SRSF11: variants seen among roughly 807,000 people sequenced by gnomAD.
SRSF11 encodes serine and arginine rich splicing factor 11, also known as serine/arginine-rich splicing factor 11.
In SRSF11, 9 loss-of-function variants were observed where a neutral mutation model predicts 56.0. The observed-to-expected ratio is 0.16, with a 90% CI of 0.10 to 0.28. The LOEUF (loss-of-function observed/expected upper bound fraction) is 0.28. SRSF11 is among the 10% of genes least tolerant of loss of function. SRSF11 has a pLI of 1.00. For synonymous variants in SRSF11, 222 were observed against 215.3 expected (o/e 1.03, Z -0.27); for missense variants, 421 against 600.7 (o/e 0.70, Z 3.13).
At position 70,228,403 on chromosome 1, in the gene SRSF11, T is replaced by C. The variant is rs1222757696; in HGVS notation, c.204-19T>C. On this transcript the variant is annotated intron_variant, in intron 1 of 11. Transcript: ENST00000370949. Reference sequence around the variant, plus strand: ...ACTGCTATTCTGTTTCTCTTTTATGTTATTTGTTTATTTTTTAGTGATTCG... The same window carrying C: ...ACTGCTATTCTGTTTCTCTTTTATGCTATTTGTTTATTTTTTAGTGATTCG... The C allele has an allele frequency of 6.3e-7, 1 of 1,577,604 alleles. No individual in the cohort carries two copies. The highest frequency in any genetic ancestry group is 1.7e-5 in the Admixed American group (1 of 58,612).
chr1:70,230,962 C>T, intron 2 of SRSF11: 1 of 1,222,088 alleles, frequency 8.2e-7, no homozygotes, highest in South Asian at 1.5e-5. Flanking sequence ...TTGATGACAG[C>T]TCTGACACAA....
chr1:70,231,097 C>G, intron 2 of SRSF11: 1 of 1,289,582 alleles, frequency 7.8e-7, no homozygotes, highest in Non-Finnish European at 1.0e-6. Flanking sequence ...TTTTACAGTT[C>G]TTTTCCCTGG....
At chr1:70,217,145 T>G (rs188948695), upstream of SRSF11, among the ~76,000 whole-genome samples, 4 of 152,198 alleles carry the variant, frequency 2.6e-5, no homozygotes, top group Admixed American at 1.3e-4. Flanking sequence ...TTGTGTTTTT[T>G]TTGTTGTTGT....
intron 2 of SRSF11, chr1:70,229,855 T>C: frequency 1.0e-6 from 1 of 984,398 alleles, no homozygotes; most frequent in South Asian, 4.7e-5. Context: ...CTCCATGATA[T>C]TAAAGTGTAT....
chr1:70,233,652 GTTAAA>G (rs1278373684), intron 3 of SRSF11, among the ~76,000 whole-genome samples: 2 of 152,212 alleles, frequency 1.3e-5, no homozygotes, highest in African/African-American at 4.8e-5. Context: ...CGAATAAACA[GTTAAA>G]TTATAGAAAG....
rs986675362 is a variant in SRSF11 at position 70,234,912 on chromosome 1, A to G, written c.540+124A>G. The G allele has an allele frequency of 1.7e-5, 12 of 710,512 alleles. No homozygotes were observed. The Admixed American group carries it at 2.5e-4, about 15-fold the overall frequency. The allele number at this position is 710,512 out of a possible 1,614,324, so 44.0% of individuals were successfully genotyped here. A position where few individuals can be genotyped will look rare whatever the true frequency, so the allele number is the denominator to read the frequency against. ...TTGTAGTAATTTTTTTTCTTGTTTAAACTTGTCAGAGCTTTAAACAGTCAC... is the reference window on the plus strand; with the variant it reads ...TTGTAGTAATTTTTTTTCTTGTTTAGACTTGTCAGAGCTTTAAACAGTCAC... On this transcript the variant is annotated intron_variant, in intron 4 of 11. Transcript: ENST00000370949.
At position 70,213,901 on chromosome 1, in the gene SRSF11, T is replaced by C. The variant is rs115404582; in HGVS notation, c.-25-7711T>C. Among the ~76,000 whole-genome samples, 461 of 152,274 alleles carry C rather than the reference T, an allele frequency of 3.0e-3. 2 individuals are homozygous for C. The highest frequency in any genetic ancestry group is 9.8e-3 in the African/African-American group (406 of 41,568). ...TCACTCTAGCACCTTTTAAGTGTTA[T>C]GAGGATTGAAGGTCGTTTTAAAAGC... On this transcript the variant is annotated intron_variant, in intron 1 of 12. Coordinates refer to the SRSF11 transcript ENST00000370950.
chr1:70,206,181 A>C lies in SRSF11; in HGVS notation c.-26+401A>C, dbSNP rs568965456. 1.2e-4 allele frequency among the ~76,000 whole-genome samples: 19 copies of C among 152,278 alleles called. No individual in the cohort carries two copies. The East Asian group carries it at 3.3e-3, about 26-fold the overall frequency. On this transcript the variant is annotated intron_variant, in intron 1 of 12. Transcript: ENST00000370950. ...AACAAAAATCCTTAAAATTTAATAA[A>C]TGTTCTGTGTATCAGACAGTTTAGG...
At chr1:70,224,467 G>A (rs1671338598) in intron 1 of SRSF11, among the ~76,000 whole-genome samples, 1 of 152,112 alleles carries the variant, frequency 6.6e-6, no homozygotes, top group Non-Finnish European at 1.5e-5. Context: ...CAGTTGACAG[G>A]TTAAGTTTAA....
intron 1 of SRSF11, 91 bp from the exon 2 acceptor site, chr1:70,228,331 T>G: frequency 1.1e-6 from 1 of 949,998 alleles, no homozygotes. Flanking sequence ...TTTTTTAATC[T>G]GTTTTACTTT....
At chr1:70,220,886 C>T (rs1057370013), upstream of SRSF11, 1 of 152,032 alleles carries the variant, frequency 6.6e-6, no homozygotes, top group Non-Finnish European at 1.5e-5. Context: ...ATGTACAAAA[C>T]GCTTATTAAT....
At chr1:70,226,139 C>T (rs1343683489) in intron 1 of SRSF11, among the ~76,000 whole-genome samples, 4 of 151,068 alleles carry the variant, frequency 2.6e-5, no homozygotes, top group Non-Finnish European at 4.4e-5. Context: ...TGCGGTGAGC[C>T]GAGATCGTGC....
intron 7 of SRSF11, among the ~76,000 whole-genome samples, chr1:70,242,172 A>C (rs1675591837): frequency 6.6e-6 from 1 of 151,904 alleles, no homozygotes; most frequent in African/African-American, 2.4e-5. Context: ...TCTTAAAAAA[A>C]AAAAAAAAAG....
intron 1 of SRSF11, among the ~76,000 whole-genome samples, chr1:70,214,067 A>C (rs2100505243): frequency 6.6e-6 from 1 of 152,358 alleles, no homozygotes; most frequent in East Asian, 1.9e-4. Context: ...GGGGAAAAAA[A>C]CATAAAAGGT....
At chr1:70,227,342 T>G (rs1672006720) in intron 1 of SRSF11, among the ~76,000 whole-genome samples, 1 of 152,160 alleles carries the variant, frequency 6.6e-6, no homozygotes, top group Non-Finnish European at 1.5e-5. Context: ...AGTCCTATGA[T>G]GTAAGTGTTA....
At chr1:70,228,021 T>C (rs898423247) in intron 1 of SRSF11, among the ~76,000 whole-genome samples, 19 of 152,214 alleles carry the variant, frequency 1.2e-4, no homozygotes, top group African/African-American at 4.3e-4. Context: ...GTCCCTGATA[T>C]AAAAATTGTT....
chr1:70,242,689 A>G lies in SRSF11; in HGVS notation c.801-1995A>G, dbSNP rs560890034. On this transcript the variant is annotated intron_variant, in intron 7 of 11. Coordinates refer to ENST00000370949, the MANE Select transcript of SRSF11 (RefSeq NM_001350605.2). ...GACTTTATTAAAAATATGTTACACT[A>G]ATCTCTTTTGCTGGTTAAAAGCTCA... is the stretch of plus-strand genomic sequence containing the variant. Among the ~76,000 whole-genome samples the G allele has an allele frequency of 1.1e-4, 17 of 152,250 alleles. No individual in the cohort carries two copies. In the South Asian group the frequency reaches 3.1e-3, roughly 28 times the overall value.
At chr1:70,231,453 AT>A in intron 2 of SRSF11, 1 of 1,053,622 alleles carries the variant, frequency 9.5e-7, no homozygotes, top group South Asian at 3.1e-5. Flanking sequence ...TATATATGTC[AT>A]TTTTGGCTTA....
chr1:70,229,122 G>C, intron 2 of SRSF11: 1 of 1,231,020 alleles, frequency 8.1e-7, no homozygotes, highest in Non-Finnish European at 1.0e-6. Context: ...TTTTATGCCA[G>C]ATTTTCTTGT....
Sources: gnomAD v4.1 joint callset for allele counts (sites outside exome capture counted in the v4.1 genomes callset) on GRCh38, gnomAD v4.1.1 for gene constraint, MANE v1.5 for transcripts, NCBI Gene and HGNC (gene_info 2026-07-23, HGNC 2026-07-21) for gene names.